Variants in ADAMTS18 observed in about 807,000 individuals in gnomAD.
ADAMTS18 encodes the protein ADAM metallopeptidase with thrombospondin type 1 motif 18, also known as A disintegrin and metalloproteinase with thrombospondin motifs 18.
Under a neutral mutation model 165.9 loss-of-function variants are expected in ADAMTS18, and 157 were observed. The ratio of observed to expected loss-of-function variants is 0.95; its 90% CI spans 0.83 to 1.08. ADAMTS18 has a LOEUF of 1.08. ADAMTS18 is among the 50% of genes least tolerant of loss of function. The pLI, the probability that ADAMTS18 is intolerant of heterozygous loss-of-function variation, is 0.00. For synonymous variants in ADAMTS18, 782 were observed against 578.2 expected (o/e 1.35, Z -5.06); for missense variants, 2,040 against 1,534.0 (o/e 1.33, Z -5.51).
chr16:77,434,024 A>G (rs2057767529), intron 2 of ADAMTS18, among the ~76,000 whole-genome samples: 1 of 152,216 alleles, frequency 6.6e-6, no homozygotes, highest in African/African-American at 2.4e-5. Context: ...GAGAGAGGAA[A>G]GAGGCTCACA....
At chr16:77,313,486 T>TAAAA (rs35955033) in intron 16 of ADAMTS18, among the ~76,000 whole-genome samples, 1 of 146,236 alleles carries the variant, frequency 6.8e-6, no homozygotes, top group Non-Finnish European at 1.5e-5. Flanking sequence ...ACTCAAGGTT[T>TAAAA]AAAAAAAAAA....
At position 77,431,578 on chromosome 16, in the gene ADAMTS18, G is replaced by A. The variant is rs2057741496; in HGVS notation, c.212C>T (p.Ser71Leu). 3.1e-6 allele frequency: 5 copies of A among 1,614,014 alleles called. No individual in the cohort carries two copies. The highest frequency in any genetic ancestry group is 4.5e-5 in the East Asian group (2 of 44,888). ...YVFVTPVEVD[S>L]AGSYISHDIL... ...GTCGTGTGAAATATATGACCCGGCT[G>A]AGTCTACTTCTACTGGCGTGACAAA... Residue 71 changes from serine (S) to leucine (L), a missense_variant, in exon 3 of 23, where the codon TCA becomes TTA. Coordinates refer to ENST00000282849, the MANE Select transcript of ADAMTS18 (RefSeq NM_199355.4).
At chr16:77,410,088 C>T (rs2057441770) in intron 3 of ADAMTS18, among the ~76,000 whole-genome samples, 1 of 152,094 alleles carries the variant, frequency 6.6e-6, no homozygotes, top group Middle Eastern at 3.2e-3. Context: ...AGAATTACCA[C>T]ACACACCCAC....
Position 77,293,247 on chromosome 16 carries a change from G to C in ADAMTS18, c.3018C>G (p.Thr1006=), listed in dbSNP as rs780573259. Residue 1006 remains threonine (T), a synonymous_variant, in exon 20 of 23, where the codon ACC becomes ACG. Coordinates refer to ENST00000282849, the MANE Select transcript of ADAMTS18 (RefSeq NM_199355.4). ...CACGCTTCCTCACCCCTCGTCCACA[G>C]GTCTTGGAACACTTGAGAAGACAAA... The part of the protein sequence containing the change: ...SLGPWSQCSK[T]CGRGVRKREL... 4 of 1,613,538 alleles carry C rather than the reference G, an allele frequency of 2.5e-6. No individual in the cohort carries two copies. In the South Asian group the frequency reaches 4.4e-5, roughly 18 times the overall value.
intron 3 of ADAMTS18, among the ~76,000 whole-genome samples, chr16:77,384,917 T>G (rs963631192): frequency 1.3e-5 from 2 of 152,018 alleles, no homozygotes; most frequent in East Asian, 1.9e-4. Context: ...AAGGTTTTTT[T>G]TTTTTTTTCT....
chr16:77,282,555 CTG>C lies in ADAMTS18; in HGVS notation c.*1399_*1400del, dbSNP rs1489017001. ...CCACTGTCTAGTTGATTATGCTGAG[CTG>C]GCTAATCCAGCTTGAATTGAGACTT... On this transcript the variant is annotated 3_prime_UTR_variant, in exon 23 of 23. Coordinates refer to ENST00000282849, the MANE Select transcript of ADAMTS18 (RefSeq NM_199355.4). The C allele has an allele frequency of 2.0e-5, 3 of 152,564 alleles. No individual in the cohort carries two copies. The highest frequency in any genetic ancestry group is 7.2e-5 in the African/African-American group (3 of 41,440). The allele number at this position is 152,564 out of a possible 1,614,324, so 9.5% of individuals were successfully genotyped here.
intron 16 of ADAMTS18, among the ~76,000 whole-genome samples, chr16:77,304,296 A>G (rs2055642555): frequency 6.6e-6 from 1 of 152,052 alleles, no homozygotes; most frequent in Admixed American, 6.5e-5. Context: ...CCATTTCTAA[A>G]ATAAAATTTT....
intron 3 of ADAMTS18, among the ~76,000 whole-genome samples, chr16:77,416,305 G>T (rs565082647): frequency 6.6e-6 from 1 of 152,162 alleles, no homozygotes; most frequent in African/African-American, 2.4e-5. Flanking sequence ...GAAGAGATAG[G>T]AAGTTAGATC....
At chr16:77,310,457 A>C (rs1323415526) in intron 16 of ADAMTS18, among the ~76,000 whole-genome samples, 1 of 152,196 alleles carries the variant, frequency 6.6e-6, no homozygotes, top group Non-Finnish European at 1.5e-5. Context: ...TGATTTTTCC[A>C]AAGTCACATA....
At chr16:77,335,566 C>T (rs972289793) in intron 12 of ADAMTS18, among the ~76,000 whole-genome samples, 190 bp downstream of exon 12, 3 of 151,836 alleles carry the variant, frequency 2.0e-5, no homozygotes, top group African/African-American at 7.3e-5. Flanking sequence ...CCTCATTATG[C>T]TGATTTGATC....
chr16:77,412,194 G>C lies in ADAMTS18; in HGVS notation c.495+19101C>G, dbSNP rs1470101955. On this transcript the variant is annotated intron_variant, in intron 3 of 22. Transcript: ENST00000282849. ...AAGAATCCCTCTGTCTCTGAGCTGG[G>C]ATATGCATCTTCTGCTGCCTTCTAA... 5.9e-5 allele frequency among the ~76,000 whole-genome samples: 9 copies of C among 152,250 alleles called. No individual in the cohort carries two copies. In the East Asian group the frequency reaches 1.7e-3, roughly 29 times the overall value.
intron 3 of ADAMTS18, among the ~76,000 whole-genome samples, chr16:77,424,047 A>T (rs1194321540): frequency 6.6e-6 from 1 of 152,210 alleles, no homozygotes; most frequent in Non-Finnish European, 1.5e-5. Flanking sequence ...TCACAATCTT[A>T]TGAGAGAAAA....
intron 7 of ADAMTS18, among the ~76,000 whole-genome samples, chr16:77,360,499 G>A (rs1303508201): frequency 6.7e-6 from 1 of 149,426 alleles, no homozygotes; most frequent in Non-Finnish European, 1.5e-5. Flanking sequence ...AATTTCTGGT[G>A]TTTTGTTTTT....
intron 4 of ADAMTS18, among the ~76,000 whole-genome samples, chr16:77,367,041 T>C (rs147069487): frequency 9.4e-4 from 143 of 152,318 alleles, no homozygotes; most frequent in African/African-American, 3.3e-3. Context: ...GTTTCACAGC[T>C]ACCTCCCTCA....
At chr16:77,309,777 A>T (rs372114156) in intron 16 of ADAMTS18, among the ~76,000 whole-genome samples, 2 of 152,186 alleles carry the variant, frequency 1.3e-5, no homozygotes, top group South Asian at 2.1e-4. Context: ...AATAAGTGGA[A>T]TGATTGGCAA....
At chr16:77,395,722 C>T (rs892961968) in intron 3 of ADAMTS18, among the ~76,000 whole-genome samples, 3 of 152,050 alleles carry the variant, frequency 2.0e-5, no homozygotes, top group South Asian at 2.1e-4. Flanking sequence ...TTATCTCTAG[C>T]GCCTGCCCTG....
chr16:77,394,100 T>C (rs188737697), intron 3 of ADAMTS18, among the ~76,000 whole-genome samples: 4 of 152,372 alleles, frequency 2.6e-5, no homozygotes, highest in Non-Finnish European at 5.9e-5. Context: ...ATTGATCCCC[T>C]GGAATCCATT....
At chr16:77,285,957 C>T (rs1279561674) in intron 22 of ADAMTS18, among the ~76,000 whole-genome samples, 1 of 152,196 alleles carries the variant, frequency 6.6e-6, no homozygotes, top group Non-Finnish European at 1.5e-5. Flanking sequence ...AGTAATCTTC[C>T]TAAAGCTAGA....
intron 16 of ADAMTS18, among the ~76,000 whole-genome samples, chr16:77,317,771 C>T (rs1302443746): frequency 6.6e-6 from 1 of 152,198 alleles, no homozygotes; most frequent in African/African-American, 2.4e-5. Context: ...CCATGAACCA[C>T]TGTGAGCTGC....
Sources: allele counts gnomAD v4.1 joint callset (sites outside exome capture counted in the v4.1 genomes callset), GRCh38; gene constraint gnomAD v4.1.1; transcripts MANE v1.5; gene names NCBI Gene and HGNC (gene_info 2026-07-23, HGNC 2026-07-21).